Variants in KBTBD11 observed in about 807,000 individuals in gnomAD.
KBTBD11 encodes kelch repeat and BTB domain containing 11.
For synonymous variants in KBTBD11, 747 were observed against 499.0 expected, an observed-to-expected ratio of 1.50 and a Z score of -6.63; for missense variants, 1,390 against 1,001.8, an observed-to-expected ratio of 1.39 and a Z score of -5.23.
At chr8:1,994,047 G>C (rs978167214) in intron 1 of KBTBD11, among the ~76,000 whole-genome samples, 1 of 152,080 alleles carries the variant, frequency 6.6e-6, no homozygotes, top group Non-Finnish European at 1.5e-5. Context: ...ATGAGGGCGG[G>C]TGAGTTGGGA....
rs1327147438 is a variant in KBTBD11, at chr8:1,973,809, C to A, written c.-1035C>A. On this transcript the variant is annotated 5_prime_UTR_variant, in exon 1 of 2. Coordinates refer to ENST00000320248, the MANE Select transcript of KBTBD11 (RefSeq NM_014867.3). ...GCGGGTCGGAGGAGCAGCTCCCGCT[C>A]GCAGGTGCTCGGAGAGGCCGGGCCG... The A allele has an allele frequency of 7.1e-6, 7 of 983,362 alleles. No homozygotes were observed. The highest frequency in any genetic ancestry group is 4.7e-5 in the South Asian group (1 of 21,272). 60.9% of individuals were successfully genotyped at this position (983,362 alleles called of 1,614,324 possible). A position where few individuals can be genotyped will look rare whatever the true frequency, so the allele number is the denominator to read the frequency against.
intron 1 of KBTBD11, among the ~76,000 whole-genome samples, chr8:1,985,460 A>C (rs1428609837): frequency 2.6e-5 from 4 of 152,284 alleles, no homozygotes; most frequent in African/African-American, 4.8e-5. Context: ...CTTCCACAGC[A>C]GCGTCTGTCC....
rs562574511 is a variant in KBTBD11, at chr8:1,980,262, C to G, written c.-909+6327C>G. ...TTTTTTTTTGAGATGGGGTCTTGCT[C>G]TGTCACCAGGCTGGAGTGCAGTGGC... is the stretch of plus-strand genomic sequence containing the variant. On this transcript the variant is annotated intron_variant, in intron 1 of 1. Transcript: ENST00000320248. 4.9e-5 allele frequency among the ~76,000 whole-genome samples: 7 copies of G among 141,968 alleles called. No individual in the cohort carries two copies. In the South Asian group the frequency reaches 6.7e-4, roughly 14 times the overall value. The allele number at this position is 141,968 out of a possible 152,430, so 93.1% of individuals were successfully genotyped here.
In KBTBD11 at chr8:2,002,321, C is replaced by A; in HGVS notation, c.1129C>A (p.Arg377Ser). Residue 377 changes from arginine (R) to serine (S), a missense_variant, in exon 2 of 2, where the codon CGC becomes AGC. Physicochemically the swap from Arg to Ser is moderately radical, Grantham distance 110. Transcript: ENST00000320248. This position sits in a 1 kb window ranked among gnomAD's most constrained non-coding sequence, Gnocchi z 4.1. ...GCCCGCGGGCCCCGACGGCCGCGCG[C>A]GCCCGTCCGACCAGGTCTTCTGCTA... ...VAPAGPDGRA[R>S]PSDQVFCYNP... The A allele has an allele frequency of 7.2e-7, 1 of 1,393,066 alleles. No homozygotes were observed. The allele number at this position is 1,393,066 out of a possible 1,614,324, so 86.3% of individuals were successfully genotyped here.
chr8:1,973,948 C>T lies in KBTBD11; in HGVS notation c.-909+13C>T. ...GAGCCGCGGCGAGGTAGGGCGGACC[C>T]CGGGGAGGCAGCGGCGGGGCCTGGC... is the stretch of plus-strand genomic sequence containing the variant. On this transcript the variant is annotated intron_variant, in intron 1 of 1. Transcript: ENST00000320248. 1 of 982,458 alleles carries T rather than the reference C, an allele frequency of 1.0e-6. No individual in the cohort carries two copies. Among genetic ancestry groups the T allele is most frequent in the Non-Finnish European group, 1.2e-6 (1 of 828,398 alleles). 60.9% of individuals were successfully genotyped at this position (982,458 alleles called of 1,614,324 possible).
chr8:1,998,542 C>G (rs566805544), intron 1 of KBTBD11, among the ~76,000 whole-genome samples: 1 of 152,280 alleles, frequency 6.6e-6, no homozygotes, highest in South Asian at 2.1e-4. Flanking sequence ...GGGATGGAGG[C>G]TCCTGTACAT....
Position 2,003,246 on chromosome 8 carries a change from C to A in KBTBD11, c.*182C>A. 2.9e-6 allele frequency: 3 copies of A among 1,027,060 alleles called. No individual in the cohort carries two copies. The highest frequency in any genetic ancestry group is 3.8e-6 in the Non-Finnish European group (3 of 790,184). 63.6% of individuals were successfully genotyped at this position (1,027,060 alleles called of 1,614,324 possible). ...TTCGCTTTGCTTTCCTTTTGCTTGTCTTTGCTTCTGGGGGTGGATGCCTTG... is the reference window on the plus strand; with the variant it reads ...TTCGCTTTGCTTTCCTTTTGCTTGTATTTGCTTCTGGGGGTGGATGCCTTG... On this transcript the variant is annotated 3_prime_UTR_variant, in exon 2 of 2. Transcript: ENST00000320248.
chr8:1,982,449 G>C (rs896887228), intron 1 of KBTBD11, among the ~76,000 whole-genome samples: 7 of 152,030 alleles, frequency 4.6e-5, no homozygotes, highest in African/African-American at 1.7e-4. Context: ...CCAATCAAGA[G>C]ACATAGAGTG....
At chr8:1,986,788 A>C (rs566680980) in intron 1 of KBTBD11, among the ~76,000 whole-genome samples, 2 of 152,334 alleles carry the variant, frequency 1.3e-5, no homozygotes, top group Admixed American at 6.5e-5. Flanking sequence ...ACCATAATGC[A>C]ATATAAAGAA....
Position 2,002,640 on chromosome 8 carries a change from G to A in KBTBD11, c.1448G>A (p.Cys483Tyr), listed in dbSNP as rs1256501747. 2.0e-5 allele frequency: 32 copies of A among 1,579,124 alleles called. No homozygotes were observed. The highest frequency in any genetic ancestry group is 2.6e-5 in the Non-Finnish European group (30 of 1,171,652). ...CCGCGGCGCGACGAGTGGCAGGAGT[G>A]CCCGTGCAGCAGCAGCCGCGAGCGC... ...YDPRRDEWQE[C>Y]PCSSSRERSA... Residue 483 changes from cysteine (C) to tyrosine (Y), a missense_variant, in exon 2 of 2, where the codon TGC becomes TAC. By Grantham distance (194) the Cys-to-Tyr change is radical (BLOSUM62 -2). Coordinates refer to ENST00000320248, the MANE Select transcript of KBTBD11 (RefSeq NM_014867.3). This position sits in a 1 kb window ranked among gnomAD's most constrained non-coding sequence, Gnocchi z 4.1.
chr8:1,991,272 C>T lies in KBTBD11; in HGVS notation c.-908-9013C>T, dbSNP rs551387877. 2.0e-4 allele frequency among the ~76,000 whole-genome samples: 31 copies of T among 152,332 alleles called. No homozygotes were observed. In the South Asian group the frequency reaches 4.8e-3, roughly 23 times the overall value. On this transcript the variant is annotated intron_variant, in intron 1 of 1. Coordinates refer to ENST00000320248, the MANE Select transcript of KBTBD11 (RefSeq NM_014867.3). ...GCTGCACCGTGCTCTTTATACACAC[C>T]GCGTTGAACTCCAGGACTGCCTGGT...
chr8:1,997,290 A>G (rs1817177442), intron 1 of KBTBD11, among the ~76,000 whole-genome samples: 1 of 152,106 alleles, frequency 6.6e-6, no homozygotes, highest in Non-Finnish European at 1.5e-5. Context: ...ATCCAAAAAC[A>G]TCTGACCCTA....
chr8:1,989,803 C>G (rs1421767369), intron 1 of KBTBD11, among the ~76,000 whole-genome samples: 1 of 152,022 alleles, frequency 6.6e-6, no homozygotes, highest in East Asian at 1.9e-4. Context: ...TGGGGTGAGA[C>G]CACAGGGGCT....
intron 1 of KBTBD11, among the ~76,000 whole-genome samples, chr8:1,975,616 C>A (rs924243003): frequency 2.0e-5 from 3 of 152,202 alleles, no homozygotes; most frequent in African/African-American, 7.2e-5. Flanking sequence ...ATCTAACTAT[C>A]ATTTCTCAGA....
At chr8:1,979,207 G>C (rs1246309286) in intron 1 of KBTBD11, among the ~76,000 whole-genome samples, 1 of 152,200 alleles carries the variant, frequency 6.6e-6, no homozygotes, top group Non-Finnish European at 1.5e-5. Context: ...TGCTGGCATT[G>C]CAGTCCCTCC....
At chr8:1,975,814 G>C (rs575853068) in intron 1 of KBTBD11, 3 of 152,326 alleles carry the variant, frequency 2.0e-5, no homozygotes, top group African/African-American at 7.2e-5. Context: ...GGAAGAATCC[G>C]GAAAGGTGGT....
intron 1 of KBTBD11, among the ~76,000 whole-genome samples, chr8:1,991,819 T>C (rs1444400734): frequency 6.6e-6 from 1 of 151,902 alleles, no homozygotes; most frequent in African/African-American, 2.4e-5. Context: ...TTGCCTGGGC[T>C]CTTGGTGGGA....
In KBTBD11 at chr8:2,002,519, C is replaced by T. The variant is rs749222981; in HGVS notation, c.1327C>T (p.Arg443Trp). The stretch of plus-strand genomic sequence containing the variant: ...CTGGGCCCCCGTGGCGCCGCTGCCC[C>T]GGGGCGCCTTCGCCGTGGCGCATGA... ...DRWAPVAPLP[R>W]GAFAVAHEAT... Residue 443 changes from arginine (R) to tryptophan (W), a missense_variant, in exon 2 of 2, where the codon CGG (arginine) becomes TGG (tryptophan). By Grantham distance (101) the Arg-to-Trp change is moderately radical (BLOSUM62 -3). Coordinates refer to ENST00000320248, the MANE Select transcript of KBTBD11 (RefSeq NM_014867.3). The surrounding 1 kb of genome is among the most constrained non-coding windows in gnomAD (Gnocchi z 4.1). The T allele has an allele frequency of 2.6e-6, 4 of 1,528,072 alleles. No individual in the cohort carries two copies. The highest frequency in any genetic ancestry group is 1.2e-5 in the South Asian group (1 of 83,232). 94.7% of individuals were successfully genotyped at this position (1,528,072 alleles called of 1,614,324 possible). A position where few individuals can be genotyped will look rare whatever the true frequency, so the allele number is the denominator to read the frequency against.
intron 1 of KBTBD11, among the ~76,000 whole-genome samples, chr8:1,987,939 G>A (rs1351530438): frequency 1.3e-5 from 2 of 151,992 alleles, no homozygotes; most frequent in Non-Finnish European, 2.9e-5. Flanking sequence ...GTTTCCAAGT[G>A]ATTTCATTGT....
Sources: gnomAD v4.1 joint callset for allele counts (sites outside exome capture counted in the v4.1 genomes callset) on GRCh38, gnomAD v4.1.1 for gene constraint, Gnocchi (gnomAD v3.1) non-coding constraint, MANE v1.5 for transcripts, NCBI Gene and HGNC (gene_info 2026-07-23, HGNC 2026-07-21) for gene names.